Variants in CDKL5 observed in about 807,000 individuals in gnomAD.
CDKL5 encodes the protein cyclin dependent kinase like 5, also known as cyclin-dependent kinase-like 5.
In CDKL5, 8 loss-of-function variants were observed where a neutral mutation model predicts 61.7. The ratio of observed to expected loss-of-function variants is 0.13; its 90% CI spans 0.08 to 0.23. The LOEUF (loss-of-function observed/expected upper bound fraction) is 0.23. Among genes scored for constraint, CDKL5 ranks in the 10% least tolerant of loss-of-function variants. The pLI, the probability that CDKL5 is intolerant of heterozygous loss-of-function variation, is 1.00. For synonymous variants in CDKL5, 275 were observed against 272.3 expected (o/e 1.01, Z -0.10); for missense variants, 440 against 734.5 (o/e 0.60, Z 4.63).
chrX:18,542,873 GCTC>G (rs1391361791), intron 3 of CDKL5, among the ~76,000 whole-genome samples: 1 of 110,791 alleles, frequency 9.0e-6, no homozygotes, highest in African/African-American at 3.3e-5. Flanking sequence ...TGGATGTTCA[GCTC>G]CTCATTTGGC....
chrX:18,468,934 A>G lies in CDKL5; in HGVS notation c.-162-38001A>G, dbSNP rs1184728065. Among the ~76,000 whole-genome samples the G allele has an allele frequency of 2.7e-5, 3 of 111,826 alleles. No homozygotes were observed. The East Asian group carries it at 8.4e-4, about 31-fold the overall frequency. Reference sequence around the variant, plus strand: ...CTATAGAATACCTAATGTCACAATCATGAAAGAAATAGTTGGTAATTTATA... The same window carrying G: ...CTATAGAATACCTAATGTCACAATCGTGAAAGAAATAGTTGGTAATTTATA... On this transcript the variant is annotated intron_variant, in intron 1 of 17. Coordinates refer to ENST00000623535, the MANE Select transcript of CDKL5 (RefSeq NM_001323289.2).
intron 1 of CDKL5, among the ~76,000 whole-genome samples, chrX:18,448,687 G>A (rs997422784): frequency 9.0e-6 from 1 of 111,322 alleles, no homozygotes; most frequent in Admixed American, 9.6e-5. Flanking sequence ...GGTAAATGCT[G>A]CATTAGTCTT....
rs187125619 is a variant in CDKL5 at position 18,509,019 on chromosome X, G to A, written c.65-1801G>A. 1.8e-4 allele frequency among the ~76,000 whole-genome samples: 19 copies of A among 108,450 alleles called. No homozygotes were observed. In the East Asian group the frequency reaches 5.0e-3, roughly 28 times the overall value. The allele number at this position is 108,450 out of a possible 115,157, so 94.2% of individuals were successfully genotyped here. On this transcript the variant is annotated intron_variant, in intron 2 of 17. Coordinates refer to ENST00000623535, the MANE Select transcript of CDKL5 (RefSeq NM_001323289.2). Reference sequence around the variant, plus strand: ...GAGGCAGGAGAATCGCTTGAACCTAGGAGGTGGAGGTTGCAGTGAGTGAGC... The same window carrying A: ...GAGGCAGGAGAATCGCTTGAACCTAAGAGGTGGAGGTTGCAGTGAGTGAGC...
intron 1 of CDKL5, among the ~76,000 whole-genome samples, chrX:18,426,032 C>T (rs1230778443): frequency 1.8e-5 from 2 of 111,315 alleles, no homozygotes; most frequent in East Asian, 5.8e-4. Flanking sequence ...TGCGGCGTCC[C>T]CGCCCCGCCG....
Position 18,629,602 on chromosome X carries a change from G to A in CDKL5, c.*845G>A, listed in dbSNP as rs1927177023. The A allele has an allele frequency of 5.3e-6, 4 of 750,648 alleles. No individual in the cohort carries two copies. The highest frequency in any genetic ancestry group is 6.3e-6 in the Non-Finnish European group (4 of 637,583). The allele number at this position is 750,648 out of a possible 1,213,427, so 61.9% of individuals were successfully genotyped here. ...AAAGGGAGTTGAATTGTGGCTACAC[G>A]TGACTGTAACAGTATGAACCTTGCT... On this transcript the variant is annotated 3_prime_UTR_variant, in exon 18 of 18. Coordinates refer to ENST00000623535, the MANE Select transcript of CDKL5 (RefSeq NM_001323289.2).
chrX:18,652,228 G>A (rs1037162212), intron 21 of CDKL5, among the ~76,000 whole-genome samples: 3 of 111,643 alleles, frequency 2.7e-5, no homozygotes, highest in African/African-American at 6.5e-5. Context: ...TGGCCACTGG[G>A]GACAAGCATA....
chrX:18,484,518 A>G (rs1921717124), intron 1 of CDKL5, among the ~76,000 whole-genome samples: 1 of 109,901 alleles, frequency 9.1e-6, no homozygotes. Context: ...GGGTTTCACA[A>G]TATTGGCCAG....
chrX:18,542,026 T>G (rs1271708005), intron 3 of CDKL5, among the ~76,000 whole-genome samples: 1 of 112,009 alleles, frequency 8.9e-6, no homozygotes, highest in Non-Finnish European at 1.9e-5. Flanking sequence ...TTTAGTATGA[T>G]GAATAATTTT....
At chrX:18,569,761 A>G (rs1380759162) in intron 4 of CDKL5, among the ~76,000 whole-genome samples, 1 of 110,840 alleles carries the variant, frequency 9.0e-6, no homozygotes, top group African/African-American at 3.3e-5. Context: ...AGACTTTTCC[A>G]TCTTTCCTTA....
At chrX:18,431,801 T>C (rs1428301287) in intron 1 of CDKL5, among the ~76,000 whole-genome samples, 1 of 111,644 alleles carries the variant, frequency 9.0e-6, no homozygotes, top group African/African-American at 3.3e-5. Context: ...AGTTAATTTA[T>C]GGAGTTGGTG....
chrX:18,587,935 C>G lies in CDKL5; in HGVS notation c.555-19C>G, dbSNP rs75057928. On this transcript the variant is annotated intron_variant, in intron 8 of 17. Transcript: ENST00000623535. ...ATATTTTTTCAGTTGCCAAAATAAT[C>G]TCTTCCTTTATTTTTCAGCGCTCCC... is the stretch of plus-strand genomic sequence containing the variant. The G allele has an allele frequency of 0.013, 15,748 of 1,194,188 alleles. 585 individuals are homozygous for G. The East Asian group carries it at 0.18, about 14-fold the overall frequency.
In CDKL5 at chrX:18,434,942, A is replaced by C. The variant is rs185656203; in HGVS notation, c.-163+9247A>C. 3.6e-5 allele frequency among the ~76,000 whole-genome samples: 4 copies of C among 111,898 alleles called. No homozygotes were observed. The Admixed American group carries it at 3.8e-4, about 11-fold the overall frequency. On this transcript the variant is annotated intron_variant, in intron 1 of 17. Transcript: ENST00000623535. Reference sequence around the variant, plus strand: ...GACTCTATCTCAAAAAGGAAGAAAAAGATTTTGTATTATGTTTAAAGATTA... The same window carrying C: ...GACTCTATCTCAAAAAGGAAGAAAACGATTTTGTATTATGTTTAAAGATTA...
At chrX:18,568,048 A>G (rs938927702) in intron 4 of CDKL5, among the ~76,000 whole-genome samples, 16 of 112,065 alleles carry the variant, frequency 1.4e-4, no homozygotes, top group Admixed American at 1.1e-3. Flanking sequence ...TTTATTGAAT[A>G]CTGTAGTGAA....
chrX:18,651,026 C>G (rs1741484777), intron 21 of CDKL5, among the ~76,000 whole-genome samples: 1 of 111,183 alleles, frequency 9.0e-6, no homozygotes, highest in African/African-American at 3.3e-5. Flanking sequence ...TGATAACCTT[C>G]TTGAATTTTG....
intron 1 of CDKL5, among the ~76,000 whole-genome samples, chrX:18,474,597 A>G (rs1938775034): frequency 8.9e-6 from 1 of 112,458 alleles, no homozygotes; most frequent in Non-Finnish European, 1.9e-5. Flanking sequence ...AGCAATCAGT[A>G]TAACAATGCC....
chrX:18,614,232 GTGT>G (rs1926649494), intron 15 of CDKL5, among the ~76,000 whole-genome samples: 1 of 112,392 alleles, frequency 8.9e-6, no homozygotes, highest in African/African-American at 3.2e-5. Context: ...CAAGGTTTCA[GTGT>G]TGTTGTGCCC....
intron 3 of CDKL5, among the ~76,000 whole-genome samples, chrX:18,558,292 T>A (rs1924673520): frequency 8.9e-6 from 1 of 112,215 alleles, no homozygotes; most frequent in Admixed American, 9.5e-5. Context: ...CCTATCTTGC[T>A]AACTACAGCT....
chrX:18,573,370 T>G (rs1277189230), intron 4 of CDKL5, among the ~76,000 whole-genome samples: 1 of 112,154 alleles, frequency 8.9e-6, no homozygotes, highest in Non-Finnish European at 1.9e-5. Flanking sequence ...TAGAGAAGCA[T>G]GTTCTCGATC....
At chrX:18,580,888 A>G (rs760261901) in intron 6 of CDKL5, among the ~76,000 whole-genome samples, 2 of 111,746 alleles carry the variant, frequency 1.8e-5, no homozygotes, top group African/African-American at 3.2e-5. Flanking sequence ...TTTTATTCCT[A>G]GAAACAGTTT....
Sources: gnomAD v4.1 joint callset for allele counts (sites outside exome capture counted in the v4.1 genomes callset) on GRCh38, gnomAD v4.1.1 for gene constraint, MANE v1.5 for transcripts, NCBI Gene and HGNC (gene_info 2026-07-23, HGNC 2026-07-21) for gene names.